Variants in SENP7 observed in about 807,000 individuals in gnomAD.
The protein encoded by SENP7 is sentrin-specific protease 7.
In SENP7, 64 loss-of-function variants were observed where a neutral mutation model predicts 141.2. That is an observed-to-expected ratio of 0.45 (90% CI 0.37 to 0.56). SENP7 has a LOEUF of 0.56. SENP7 is among the 20% of genes least tolerant of loss of function. The pLI is 0.00. For synonymous variants in SENP7, 382 were observed against 426.4 expected, an observed-to-expected ratio of 0.90 and a Z score of 1.28; for missense variants, 1,025 against 1,212.2, an observed-to-expected ratio of 0.85 and a Z score of 2.29.
chr3:101,404,615 C>T (rs997362537), intron 5 of SENP7, among the ~76,000 whole-genome samples: 1 of 152,088 alleles, frequency 6.6e-6, no homozygotes, highest in Non-Finnish European at 1.5e-5. Context: ...GCAAAAGAAA[C>T]TATCATTAGA....
At chr3:101,379,264 A>G (rs1179506348) in intron 6 of SENP7, among the ~76,000 whole-genome samples, 2 of 152,210 alleles carry the variant, frequency 1.3e-5, no homozygotes, top group African/African-American at 4.8e-5. Context: ...AGCATAAGGC[A>G]TAAAGCTATT....
chr3:101,506,521 G>C (rs144990651), intron 1 of SENP7, among the ~76,000 whole-genome samples: 62 of 152,220 alleles, frequency 4.1e-4, no homozygotes, highest in Middle Eastern at 3.4e-3. Flanking sequence ...TCCAGAGATG[G>C]TACTCTAAAC....
chr3:101,488,615 C>A (rs1286498381), intron 3 of SENP7, among the ~76,000 whole-genome samples: 2 of 152,144 alleles, frequency 1.3e-5, no homozygotes, highest in Non-Finnish European at 2.9e-5. Context: ...GCCGAGGCAG[C>A]TGGATTGCCT....
At chr3:101,354,639 TGTCA>T (rs2059692358) in intron 11 of SENP7, among the ~76,000 whole-genome samples, 1 of 152,150 alleles carries the variant, frequency 6.6e-6, no homozygotes, top group African/African-American at 2.4e-5. Context: ...TTATCCAATC[TGTCA>T]TTGTTGGGCA....
At chr3:101,474,300 A>G (rs1049273943) in intron 3 of SENP7, among the ~76,000 whole-genome samples, 5 of 152,192 alleles carry the variant, frequency 3.3e-5, no homozygotes, top group African/African-American at 1.2e-4. Flanking sequence ...CATTTTAAAA[A>G]TATTGATTGT....
At chr3:101,350,579 G>T (rs1421475940) in intron 12 of SENP7, among the ~76,000 whole-genome samples, 2 of 151,836 alleles carry the variant, frequency 1.3e-5, no homozygotes, top group African/African-American at 2.4e-5. Context: ...AAAATTATAT[G>T]CAATAGAAAA....
intron 3 of SENP7, among the ~76,000 whole-genome samples, chr3:101,464,032 G>T (rs1391574450): frequency 6.6e-6 from 1 of 151,976 alleles, no homozygotes; most frequent in African/African-American, 2.4e-5. Flanking sequence ...CACCATGTTG[G>T]CCAGGCTGGT....
chr3:101,418,498 A>G (rs2061690042), intron 4 of SENP7, among the ~76,000 whole-genome samples: 1 of 152,148 alleles, frequency 6.6e-6, no homozygotes, highest in Admixed American at 6.5e-5. Context: ...CAGGCTACCA[A>G]GTGCATTTAA....
At chr3:101,427,614 C>A (rs1334130462) in intron 4 of SENP7, among the ~76,000 whole-genome samples, 2 of 151,992 alleles carry the variant, frequency 1.3e-5, no homozygotes, top group African/African-American at 4.8e-5. Context: ...CCTCTGCTTT[C>A]ATTCAGGTAC....
chr3:101,471,583 T>C (rs1379792853), intron 3 of SENP7, among the ~76,000 whole-genome samples: 12 of 152,188 alleles, frequency 7.9e-5, no homozygotes, highest in South Asian at 2.1e-4. Context: ...ATTCAGGATA[T>C]AGGCATAGGC....
intron 11 of SENP7, among the ~76,000 whole-genome samples, chr3:101,361,212 G>A (rs1373762125): frequency 5.4e-4 from 65 of 121,174 alleles, no homozygotes; most frequent in African/African-American, 1.8e-3. Flanking sequence ...GACTCTGTCC[G>A]CCCCCCCAAA....
chr3:101,508,507 G>A (rs2065720164), intron 1 of SENP7, among the ~76,000 whole-genome samples: 1 of 152,150 alleles, frequency 6.6e-6, no homozygotes. Flanking sequence ...GCTGAAGCAG[G>A]AGAATGGGAT....
At position 101,332,090 on chromosome 3, in the gene SENP7, C is replaced by T. The variant is rs1405151832; in HGVS notation, c.2593G>A (p.Val865Ile). Residue 865 changes from valine to isoleucine, a missense_variant, in exon 19 of 24, where the codon GTC becomes ATC. By Grantham distance (29) the Val-to-Ile change is conservative. Transcript: ENST00000394095. ...TCTTCTAACCATGGAAAACAAATGA[C>T]TGCGAGATACCAGTGAGACCTGTTG... ...VNESSHWYLA[V>I]ICFPWLEEAV... 1.2e-6 allele frequency: 2 copies of T among 1,613,082 alleles called. No individual in the cohort carries two copies. Among genetic ancestry groups the T allele is most frequent in the Non-Finnish European group, 1.7e-6 (2 of 1,179,548 alleles).
At chr3:101,371,909 C>T in intron 7 of SENP7, 99 bp downstream of exon 7, 1 of 430,908 alleles carries the variant, frequency 2.3e-6, no homozygotes, top group Admixed American at 4.4e-5. Flanking sequence ...TTTCACATAT[C>T]CTTTCAAAGT....
chr3:101,392,685 C>A (rs2060849169), intron 6 of SENP7, among the ~76,000 whole-genome samples: 2 of 152,102 alleles, frequency 1.3e-5, no homozygotes, highest in Admixed American at 6.6e-5. Context: ...ACAGAAAAAC[C>A]AATCCAAAAA....
At chr3:101,357,061 C>T (rs111471738) in intron 11 of SENP7, among the ~76,000 whole-genome samples, 2,465 of 151,890 alleles carry the variant, frequency 0.016, 49 homozygotes, top group South Asian at 0.054. Context: ...AGTGCAATGG[C>T]GCAATCTCGG....
At chr3:101,467,554 C>T (rs1196986869) in intron 3 of SENP7, among the ~76,000 whole-genome samples, 1 of 152,192 alleles carries the variant, frequency 6.6e-6, no homozygotes, top group African/African-American at 2.4e-5. Context: ...TTGGTGATAC[C>T]CAGGCAAACT....
chr3:101,361,421 TG>T (rs2059899076), intron 11 of SENP7, among the ~76,000 whole-genome samples: 1 of 151,872 alleles, frequency 6.6e-6, no homozygotes, highest in South Asian at 2.1e-4. Flanking sequence ...AACTATACCT[TG>T]AAAAAAATTT....
intron 16 of SENP7, 40 bp downstream of exon 16, chr3:101,340,055 A>T: frequency 6.7e-7 from 1 of 1,496,494 alleles, no homozygotes; most frequent in Non-Finnish European, 8.9e-7. Flanking sequence ...TTCTCAGTAA[A>T]ATCTGTAAAA....
Sources: gnomAD v4.1 joint callset for allele counts (sites outside exome capture counted in the v4.1 genomes callset) on GRCh38, gnomAD v4.1.1 for gene constraint, MANE v1.5 for transcripts, NCBI Gene and HGNC (gene_info 2026-07-23, HGNC 2026-07-21) for gene names.